The following KATNIP variants were observed in gnomAD, a reference collection of about 807,000 sequenced individuals.
The protein encoded by KATNIP is katanin-interacting protein.
Under a neutral mutation model 174.0 loss-of-function variants are expected in KATNIP, and 126 were observed. The observed-to-expected ratio is 0.72, with a 90% CI of 0.63 to 0.84. The LOEUF (loss-of-function observed/expected upper bound fraction) is 0.84. Ranked by LOEUF, KATNIP falls within the 40% of genes least tolerant of loss-of-function variation. KATNIP has a pLI of 0.00. For missense variants in KATNIP, 1,958 were observed against 2,109.7 expected (o/e 0.93, Z 1.41); for synonymous variants, 810 against 835.7 (o/e 0.97, Z 0.53).
intron 2 of KATNIP, among the ~76,000 whole-genome samples, chr16:27,597,496 T>C (rs1252747693): frequency 2.0e-5 from 3 of 150,530 alleles, no homozygotes; most frequent in Non-Finnish European, 4.4e-5. Flanking sequence ...GTAACTTGCC[T>C]ATTCTCCCTG....
intron 1 of KATNIP, among the ~76,000 whole-genome samples, chr16:27,560,315 A>C (rs2089824930): frequency 1.3e-5 from 2 of 148,870 alleles, no homozygotes; most frequent in Non-Finnish European, 1.5e-5. Flanking sequence ...AGGTAATTTC[A>C]CATAAGAACC....
intron 6 of KATNIP, among the ~76,000 whole-genome samples, chr16:27,655,181 T>TAG (rs2077231568): frequency 2.6e-4 from 1 of 3,796 alleles, no homozygotes; most frequent in Non-Finnish European, 4.4e-4. Flanking sequence ...AGAATGGATA[T>TAG]ATATATATAT....
chr16:27,584,391 G>A (rs1336551464), intron 2 of KATNIP, among the ~76,000 whole-genome samples: 2 of 152,054 alleles, frequency 1.3e-5, no homozygotes, highest in Non-Finnish European at 2.9e-5. Context: ...TTTCCAAAAG[G>A]AAAATCAGGA....
Position 27,750,078 on chromosome 16 carries a change from A to G in KATNIP, c.3118A>G (p.Arg1040Gly), listed in dbSNP as rs769335426. 2.5e-6 allele frequency: 4 copies of G among 1,614,196 alleles called. No individual in the cohort carries two copies. The highest frequency in any genetic ancestry group is 2.2e-5 in the East Asian group (1 of 44,876). ...CACCAACCTCATCGACGGGGTGAAC[A>G]GGACCCAGGATGACATGCATGTCTG... The part of the protein sequence containing the change: ...VVTNLIDGVN[R>G]TQDDMHVWLA... Residue 1040 changes from arginine (R) to glycine (G), a missense_variant, in exon 16 of 28, where the codon AGG (arginine) becomes GGG (glycine). Physicochemically the swap from Arg to Gly is moderately radical, Grantham distance 125 (BLOSUM62 -2). This residue lies in a region of KATNIP where 1,557 missense variants were observed against 1,617.8 expected (regional missense o/e 0.96). Coordinates refer to ENST00000261588, the MANE Select transcript of KATNIP (RefSeq NM_015202.5).
intron 5 of KATNIP, among the ~76,000 whole-genome samples, chr16:27,640,725 TGCAGTC>T (rs1277600996): frequency 6.6e-6 from 1 of 150,760 alleles, no homozygotes; most frequent in Non-Finnish European, 1.5e-5. Flanking sequence ...GAACCTTGTA[TGCAGTC>T]GGCGCTCAGT....
At chr16:27,587,023 G>C (rs1365666956) in intron 2 of KATNIP, among the ~76,000 whole-genome samples, 1 of 151,372 alleles carries the variant, frequency 6.6e-6, no homozygotes, top group Admixed American at 6.6e-5. Context: ...CACTGAGGTG[G>C]AACGGTCCCG....
At chr16:27,569,124 A>T (rs575646974) in intron 1 of KATNIP, among the ~76,000 whole-genome samples, 1 of 152,370 alleles carries the variant, frequency 6.6e-6, no homozygotes, top group South Asian at 2.1e-4. Context: ...GGATTTAAAA[A>T]GCTATGTCCT....
At chr16:27,556,327 AGT>A (rs974038217) in intron 1 of KATNIP, among the ~76,000 whole-genome samples, 3 of 152,172 alleles carry the variant, frequency 2.0e-5, no homozygotes, top group African/African-American at 7.2e-5. Flanking sequence ...GTACATTGGC[AGT>A]GTGTGTTTTC....
chr16:27,604,410 T>A (rs937913248), intron 2 of KATNIP, among the ~76,000 whole-genome samples: 2 of 152,054 alleles, frequency 1.3e-5, no homozygotes, highest in Non-Finnish European at 2.9e-5. Context: ...CTTTAAAAAA[T>A]TTTTAGTACA....
At chr16:27,709,009 T>A in intron 13 of KATNIP, 89 bp downstream of exon 13, 3 of 1,080,612 alleles carry the variant, frequency 2.8e-6, no homozygotes, top group South Asian at 1.5e-5. Context: ...AGGGTATGAG[T>A]GGAGGGAGGG....
intron 8 of KATNIP, among the ~76,000 whole-genome samples, chr16:27,698,121 T>TC (rs1468872238): frequency 3.3e-5 from 5 of 152,008 alleles, no homozygotes; most frequent in African/African-American, 1.2e-4. Context: ...CAGGACCAAG[T>TC]CCCCCCAGGG....
rs1025660912 is a variant in KATNIP at position 27,779,964 on chromosome 16, G to T, written c.*1335G>T. ...CAAACGCGCTTTTCATTTGGAGCAC[G>T]GGGCTGATGTGAAGATAAGAATTGT... On this transcript the variant is annotated 3_prime_UTR_variant, in exon 28 of 28. Transcript: ENST00000261588. 2 of 152,126 alleles carry T rather than the reference G, an allele frequency of 1.3e-5. No individual in the cohort carries two copies. Among genetic ancestry groups the T allele is most frequent in the Non-Finnish European group, 2.9e-5 (2 of 68,036 alleles). 9.4% of individuals were successfully genotyped at this position (152,126 alleles called of 1,614,324 possible). A position where few individuals can be genotyped will look rare whatever the true frequency, so the allele number is the denominator to read the frequency against.
chr16:27,552,413 C>T (rs1480502782), intron 1 of KATNIP, among the ~76,000 whole-genome samples: 1 of 147,154 alleles, frequency 6.8e-6, no homozygotes, highest in African/African-American at 2.5e-5. Context: ...GTCTCACTGT[C>T]GCCCAGGCTG....
chr16:27,705,405 C>T (rs1471072375), intron 12 of KATNIP, among the ~76,000 whole-genome samples: 1 of 152,116 alleles, frequency 6.6e-6, no homozygotes, highest in South Asian at 2.1e-4. Context: ...GCTGGCCTGG[C>T]CTGGACTAGA....
At chr16:27,708,240 C>A (rs551186579) in intron 12 of KATNIP, among the ~76,000 whole-genome samples, 1 of 151,596 alleles carries the variant, frequency 6.6e-6, no homozygotes, top group African/African-American at 2.4e-5. Context: ...TTAGGCTGAT[C>A]TTGAACTCCT....
intron 17 of KATNIP, among the ~76,000 whole-genome samples, chr16:27,753,020 C>G (rs1350004720): frequency 6.6e-6 from 1 of 152,078 alleles, no homozygotes; most frequent in Non-Finnish European, 1.5e-5. Context: ...GGCAGGACAG[C>G]AACATGTCGT....
intron 14 of KATNIP, among the ~76,000 whole-genome samples, chr16:27,733,410 A>G (rs554948832): frequency 2.6e-5 from 4 of 152,352 alleles, no homozygotes; most frequent in African/African-American, 4.8e-5. Context: ...GGGCCAGGAA[A>G]GGTGTTCCCA....
At chr16:27,588,752 T>G (rs893466575) in intron 2 of KATNIP, among the ~76,000 whole-genome samples, 2 of 152,184 alleles carry the variant, frequency 1.3e-5, no homozygotes, top group African/African-American at 4.8e-5. Context: ...ATTTTTCAAG[T>G]TTGCACGTTA....
intron 20 of KATNIP, among the ~76,000 whole-genome samples, 171 bp downstream of exon 20, chr16:27,766,645 C>T (rs1171161847): frequency 2.6e-5 from 4 of 152,138 alleles, no homozygotes; most frequent in African/African-American, 9.7e-5. Context: ...CTGCAAATGG[C>T]AAATGCAGGC....
Sources: gnomAD v4.1 joint callset for allele counts (sites outside exome capture counted in the v4.1 genomes callset) on GRCh38, gnomAD v4.1.1 for gene constraint, gnomAD v4.1.1 regional missense constraint, MANE v1.5 for transcripts, NCBI Gene and HGNC (gene_info 2026-07-23, HGNC 2026-07-21) for gene names.